The following MID1 variants were observed in gnomAD, a reference collection of about 807,000 sequenced individuals.
MID1 encodes the protein E3 ubiquitin-protein ligase Midline-1.
A neutral mutation model predicts 40.4 loss-of-function variants in MID1; 7 were observed. The observed-to-expected ratio is 0.17, with a 90% confidence interval of 0.10 to 0.33. MID1 has a LOEUF of 0.33. Among genes scored for constraint, MID1 ranks in the 10% least tolerant of loss-of-function variants. The probability of loss-of-function intolerance (pLI) is 1.00; values close to 1 mark genes in which losing one functional copy is unlikely to be tolerated. For missense variants in MID1, 367 were observed against 558.5 expected, an observed-to-expected ratio of 0.66 and a Z score of 3.46; for synonymous variants, 229 against 221.2, an observed-to-expected ratio of 1.04 and a Z score of -0.31.
At chrX:10,722,915 A>C (rs754033162) in intron 1 of MID1, among the ~76,000 whole-genome samples, 101 of 111,476 alleles carry the variant, frequency 9.1e-4, no homozygotes, top group Middle Eastern at 9.1e-3. Flanking sequence ...GAATTTAAAG[A>C]ACCTCTTTGC....
At chrX:10,488,482 T>G (rs756897450) in intron 4 of MID1, among the ~76,000 whole-genome samples, 23 of 112,262 alleles carry the variant, frequency 2.0e-4, no homozygotes, top group Non-Finnish European at 3.8e-4. Flanking sequence ...CGCCATCTTT[T>G]GAATTTTAAT....
intron 1 of MID1, among the ~76,000 whole-genome samples, chrX:10,701,719 C>T (rs938278130): frequency 6.2e-5 from 7 of 112,277 alleles, no homozygotes; most frequent in Non-Finnish European, 1.1e-4. Context: ...TATGCAAATA[C>T]TTGTATTCAT....
chrX:10,726,247 T>C (rs1244708022), intron 1 of MID1, among the ~76,000 whole-genome samples: 1 of 112,350 alleles, frequency 8.9e-6, no homozygotes, highest in Non-Finnish European at 1.9e-5. Context: ...TACAAATTGA[T>C]AAATTTGGCA....
In MID1 at chrX:10,454,069, G is replaced by T. The variant is rs1297142826; in HGVS notation, c.1655+801C>A. Among the ~76,000 whole-genome samples the T allele has an allele frequency of 2.7e-5, 3 of 112,418 alleles. No homozygotes were observed. In the East Asian group the frequency reaches 8.4e-4, roughly 31 times the overall value. On this transcript the variant is annotated intron_variant, in intron 9 of 9. Transcript: ENST00000317552. Reference sequence around the variant, plus strand: ...ATTTGTGAGACAGACGGTCAAAGGGGTGCAGTTGTGGCTGTGGATTAGGCA... The same window carrying T: ...ATTTGTGAGACAGACGGTCAAAGGGTTGCAGTTGTGGCTGTGGATTAGGCA...
At chrX:10,771,105 GAA>G (rs199974083) in intron 1 of MID1, among the ~76,000 whole-genome samples, 18 of 66,211 alleles carry the variant, frequency 2.7e-4, no homozygotes, top group African/African-American at 8.6e-4. Flanking sequence ...TCTGTCTCAA[GAA>G]AAAAAAAAAA....
chrX:10,524,675 C>T (rs1034622751), intron 2 of MID1, among the ~76,000 whole-genome samples: 3 of 112,205 alleles, frequency 2.7e-5, no homozygotes, highest in Non-Finnish European at 3.8e-5. Flanking sequence ...ATATCTATTC[C>T]CTGTCCACAA....
intron 1 of MID1, among the ~76,000 whole-genome samples, chrX:10,763,437 T>C (rs1228829054): frequency 4.6e-5 from 5 of 109,370 alleles, no homozygotes; most frequent in South Asian, 8.0e-4. Flanking sequence ...GTCCTTGTGA[T>C]AGTTTGCTCA....
At chrX:10,730,068 A>C (rs1323227040) in intron 1 of MID1, among the ~76,000 whole-genome samples, 1 of 105,939 alleles carries the variant, frequency 9.4e-6, no homozygotes, top group Non-Finnish European at 1.9e-5. Flanking sequence ...TGGGCAACAG[A>C]GCGAGACTCC....
chrX:10,754,250 T>C (rs1232859924), intron 1 of MID1, among the ~76,000 whole-genome samples: 1 of 111,832 alleles, frequency 8.9e-6, no homozygotes, highest in African/African-American at 3.3e-5. Context: ...ATCAGGTGAG[T>C]TCTCTTATTT....
intron 3 of MID1, chrX:10,505,433 C>T (rs1221643638): frequency 1.3e-6 from 1 of 752,364 alleles, no homozygotes; most frequent in African/African-American, 2.3e-5. Context: ...ACAATAAACT[C>T]CTCCCTTCCT....
intron 2 of MID1, among the ~76,000 whole-genome samples, chrX:10,555,663 G>C (rs898656519): frequency 1.0e-4 from 11 of 110,430 alleles, no homozygotes; most frequent in African/African-American, 3.6e-4. Context: ...TGATAAAGCA[G>C]ATAGGGAAAA....
chrX:10,711,602 T>C (rs1176620546), intron 1 of MID1, among the ~76,000 whole-genome samples: 2 of 112,067 alleles, frequency 1.8e-5, no homozygotes, highest in Non-Finnish European at 3.8e-5. Context: ...GGTTTTCATC[T>C]CCTTTCATGA....
intron 3 of MID1, among the ~76,000 whole-genome samples, chrX:10,520,121 A>G (rs763049651): frequency 1.7e-4 from 19 of 112,104 alleles, no homozygotes; most frequent in Admixed American, 3.8e-4. Context: ...TGTGAAATCT[A>G]TAAGAACTGG....
At chrX:10,774,742 T>C (rs1453094032) in intron 1 of MID1, among the ~76,000 whole-genome samples, 1 of 111,355 alleles carries the variant, frequency 9.0e-6, no homozygotes, top group Non-Finnish European at 1.9e-5. Flanking sequence ...TTAATGTACC[T>C]TGAATTCTGG....
chrX:10,809,903 C>G (rs990666005), intron 1 of MID1, among the ~76,000 whole-genome samples: 1 of 109,378 alleles, frequency 9.1e-6, no homozygotes, highest in African/African-American at 3.3e-5. Flanking sequence ...TACCCTAGAA[C>G]TTAAAGTATA....
At chrX:10,611,595 G>A (rs1382732636) in intron 1 of MID1, among the ~76,000 whole-genome samples, 1 of 111,265 alleles carries the variant, frequency 9.0e-6, no homozygotes, top group Admixed American at 9.6e-5. Flanking sequence ...ATTCTGATCA[G>A]CAGAAAACTG....
chrX:10,577,716 C>T (rs1488730851), intron 1 of MID1, among the ~76,000 whole-genome samples: 1 of 106,249 alleles, frequency 9.4e-6, no homozygotes, highest in Non-Finnish European at 1.9e-5. Flanking sequence ...TGATGGGTGT[C>T]CAAAATTTCA....
chrX:10,523,089 C>T lies in MID1; in HGVS notation c.756+3G>A, dbSNP rs1431810845. 1 of 1,172,488 alleles carries T rather than the reference C, an allele frequency of 8.5e-7. No homozygotes were observed. The stretch of plus-strand genomic sequence containing the variant: ...TACCATACAGAAATACAGAGATACT[C>T]ACTTCAACATGTTGACAGGTTTGGA... On this transcript the variant is annotated splice_donor_region_variant and intron_variant, in intron 3 of 9. Transcript: ENST00000317552.
chrX:10,669,016 G>A (rs898619597), intron 1 of MID1, among the ~76,000 whole-genome samples: 52 of 107,984 alleles, frequency 4.8e-4, no homozygotes, highest in African/African-American at 1.7e-3. Context: ...TCAGGAGATC[G>A]AGACCATCCT....
Sources: gnomAD v4.1 joint callset for allele counts (sites outside exome capture counted in the v4.1 genomes callset) on GRCh38, gnomAD v4.1.1 for gene constraint, MANE v1.5 for transcripts, NCBI Gene and HGNC (gene_info 2026-07-23, HGNC 2026-07-21) for gene names.